The following PYHIN1 variants were observed in gnomAD, a reference collection of about 807,000 sequenced individuals.
PYHIN1 encodes pyrin and HIN domain-containing protein 1.
In PYHIN1, 32 loss-of-function variants were observed where a neutral mutation model predicts 43.7. That is an observed-to-expected ratio of 0.73 (90% CI 0.55 to 0.98). The LOEUF is 0.98. Among genes scored for constraint, PYHIN1 ranks in the 50% least tolerant of loss-of-function variants. PYHIN1 has a pLI of 0.00. For missense variants in PYHIN1, 588 were observed against 589.5 expected (o/e 1.00, Z 0.03); for synonymous variants, 205 against 203.1 (o/e 1.01, Z -0.08).
At chr1:158,956,386 A>G (rs889698958) in intron 7 of PYHIN1, among the ~76,000 whole-genome samples, 1,591 of 152,292 alleles carry the variant, frequency 0.01, 36 homozygotes, top group African/African-American at 0.037. Flanking sequence ...CCAGCAGCAC[A>G]TCAAAAAGCT....
At chr1:158,935,665 C>A (rs562349881) in intron 1 of PYHIN1, among the ~76,000 whole-genome samples, 1 of 152,246 alleles carries the variant, frequency 6.6e-6, no homozygotes, top group East Asian at 1.9e-4. Context: ...AGGGTCGGCG[C>A]CCCAGCATGA....
chr1:158,971,868 A>G (rs13376412), intron 7 of PYHIN1, among the ~76,000 whole-genome samples: 1,583 of 152,138 alleles, frequency 0.01, 33 homozygotes, highest in African/African-American at 0.037. Context: ...AACGAAGGCC[A>G]AAATGCCATT....
In PYHIN1 at chr1:158,969,130, T is replaced by C. The variant is rs547232816; in HGVS notation, c.1360-4517T>C. On this transcript the variant is annotated intron_variant, in intron 7 of 8. Coordinates refer to ENST00000368140, the MANE Select transcript of PYHIN1 (RefSeq NM_152501.5). ...TGAACTCTAAAACTTAAGTATTTCA[T>C]GGTCATATATTGCTTCCAGAGTCAG... 2.0e-5 allele frequency among the ~76,000 whole-genome samples: 3 copies of C among 152,178 alleles called. No individual in the cohort carries two copies. In the East Asian group the frequency reaches 5.8e-4, roughly 29 times the overall value.
chr1:158,941,669 C>G (rs995661030), intron 4 of PYHIN1, among the ~76,000 whole-genome samples: 4 of 152,118 alleles, frequency 2.6e-5, no homozygotes, highest in Non-Finnish European at 4.4e-5. Flanking sequence ...TTATTTTATC[C>G]TAAATTTATT....
downstream of PYHIN1, among the ~76,000 whole-genome samples, chr1:158,980,233 G>T (rs1651440917): frequency 6.6e-6 from 1 of 152,078 alleles, no homozygotes; most frequent in Non-Finnish European, 1.5e-5. Context: ...CATAAGCTGA[G>T]GATGTATCTT....
chr1:158,955,976 T>A, intron 7 of PYHIN1, among the ~76,000 whole-genome samples: 1 of 138,852 alleles, frequency 7.2e-6, no homozygotes, highest in Non-Finnish European at 1.6e-5. Context: ...TACAAACACC[T>A]CTATGCAAAT....
intron 7 of PYHIN1, among the ~76,000 whole-genome samples, chr1:158,962,447 A>G (rs916341168): frequency 4.6e-5 from 7 of 152,100 alleles, no homozygotes; most frequent in Admixed American, 6.5e-5. Context: ...AAGTGATCGG[A>G]CCGTTGTATC....
intron 8 of PYHIN1, among the ~76,000 whole-genome samples, chr1:158,976,500 C>T (rs1453806698): frequency 6.6e-6 from 1 of 151,940 alleles, no homozygotes; most frequent in Non-Finnish European, 1.5e-5. Context: ...TATCGCATTT[C>T]ATGGTCCCAA....
In PYHIN1 at chr1:158,933,479, T is replaced by G. The variant is rs1265762611; in HGVS notation, c.-21+1703T>G. On this transcript the variant is annotated intron_variant, in intron 1 of 8. Coordinates refer to ENST00000368140, the MANE Select transcript of PYHIN1 (RefSeq NM_152501.5). The surrounding 1 kb of genome is among the most constrained non-coding windows in gnomAD (Gnocchi z 6.3). ...TGATTCTAGCATAGATAAGCTGGCT[T>G]TCTTCTAGTTTCTCCTTGCATGATA... Among the ~76,000 whole-genome samples the G allele has an allele frequency of 6.6e-6, 1 of 151,998 alleles. No individual in the cohort carries two copies. The highest frequency in any genetic ancestry group is 2.4e-5 in the African/African-American group (1 of 41,410).
At chr1:158,963,070 C>G (rs145592380) in intron 7 of PYHIN1, among the ~76,000 whole-genome samples, 25 of 152,270 alleles carry the variant, frequency 1.6e-4, no homozygotes, top group Admixed American at 1.4e-3. Context: ...TAGTTGTGGC[C>G]AGCAATGTAA....
intron 1 of PYHIN1, among the ~76,000 whole-genome samples, chr1:158,935,308 A>G (rs1295085796): frequency 6.6e-6 from 1 of 152,130 alleles, no homozygotes; most frequent in Non-Finnish European, 1.5e-5. Context: ...AAAAAAAAAA[A>G]AAAAGAATGC....
At chr1:158,973,592 C>T in intron 7 of PYHIN1, 55 bp from the exon 8 acceptor site, 2 of 1,594,944 alleles carry the variant, frequency 1.3e-6, no homozygotes, top group South Asian at 2.2e-5. Context: ...GCAGAAAAAA[C>T]CAGTTCTTTC....
At chr1:158,945,092 A>G (rs1252963895) in intron 7 of PYHIN1, 50 bp downstream of exon 7, 3 of 1,525,306 alleles carry the variant, frequency 2.0e-6, no homozygotes, top group African/African-American at 1.4e-5. Context: ...ATAAATTACA[A>G]GGATCATTAG....
At chr1:158,965,393 G>A (rs905860825) in intron 7 of PYHIN1, among the ~76,000 whole-genome samples, 5 of 152,124 alleles carry the variant, frequency 3.3e-5, no homozygotes, top group Admixed American at 3.3e-4. Context: ...TTGACAAGAT[G>A]GACCTAATGG....
At chr1:158,974,485 T>G (rs1651134883) in intron 8 of PYHIN1, among the ~76,000 whole-genome samples, 1 of 152,042 alleles carries the variant, frequency 6.6e-6, no homozygotes, top group Non-Finnish European at 1.5e-5. Flanking sequence ...GTGTTCCAAT[T>G]GAATCCCAGC....
At chr1:158,961,972 A>T (rs1650348644) in intron 7 of PYHIN1, among the ~76,000 whole-genome samples, 1 of 151,806 alleles carries the variant, frequency 6.6e-6, no homozygotes, top group Non-Finnish European at 1.5e-5. Context: ...CTAGCCTAGT[A>T]CTCCAGCCAC....
Position 158,931,792 on chromosome 1 carries a change from A to AT in PYHIN1, c.-21+22dup. On this transcript the variant is annotated intron_variant, in intron 1 of 8. Transcript: ENST00000368140. The stretch of plus-strand genomic sequence containing the variant: ...TCCCAGTAAGGTGAGTACTGTGGGT[A>AT]TTTTTTATAGAAAAGATCTAGATGC... 2.0e-5 allele frequency: 3 copies of AT among 152,278 alleles called. 1 individual carries two copies. In the Middle Eastern group the frequency reaches 0.01, roughly 518 times the overall value. 9.4% of individuals were successfully genotyped at this position (152,278 alleles called of 1,614,324 possible).
rs1256875232 is a variant in PYHIN1 at position 158,944,901 on chromosome 1, C to T, written c.1218C>T (p.Ser406=). 6 of 1,595,712 alleles carry T rather than the reference C, an allele frequency of 3.8e-6. No individual in the cohort carries two copies. The highest frequency in any genetic ancestry group is 5.1e-6 in the Non-Finnish European group (6 of 1,171,406). ...TACAGAAAAATACAAACCAGAGAAGCCATGACTCCAGGAGCATGGCACTAC... is the reference window on the plus strand; with the variant it reads ...TACAGAAAAATACAAACCAGAGAAGTCATGACTCCAGGAGCATGGCACTAC... ...IQIQKNTNQR[S]HDSRSMALPQ... Residue 406 remains serine (S), a synonymous_variant, in exon 7 of 9, where the codon AGC becomes AGT. Transcript: ENST00000368140.
intron 8 of PYHIN1, among the ~76,000 whole-genome samples, chr1:158,975,413 C>T (rs1419855777): frequency 2.0e-5 from 3 of 151,952 alleles, no homozygotes; most frequent in Non-Finnish European, 2.9e-5. Flanking sequence ...TGGGAAAAAA[C>T]GAAGCTATTA....
Sources: allele counts gnomAD v4.1 joint callset (sites outside exome capture counted in the v4.1 genomes callset), GRCh38; gene constraint gnomAD v4.1.1; non-coding constraint Gnocchi (gnomAD v3.1); transcripts MANE v1.5; gene names NCBI Gene and HGNC (gene_info 2026-07-23, HGNC 2026-07-21).